The following MGMT variants were observed in gnomAD, a reference collection of about 807,000 sequenced individuals.
MGMT encodes the protein O-6-methylguanine-DNA methyltransferase.
MGMT carries 14 observed loss-of-function variants against 15.9 expected under a neutral mutation model. The ratio of observed to expected loss-of-function variants is 0.88; its 90% CI spans 0.58 to 1.37. The LOEUF is 1.37. Among genes scored for constraint, MGMT ranks in the 40% most tolerant of loss-of-function variants. The pLI, the probability that MGMT is intolerant of heterozygous loss-of-function variation, is 0.00. For missense variants in MGMT, 282 were observed against 268.1 expected (o/e 1.05, Z -0.36); for synonymous variants, 130 against 118.2 (o/e 1.10, Z -0.65).
chr10:129,592,797 A>T (rs1319295076), intron 2 of MGMT, among the ~76,000 whole-genome samples: 1 of 144,492 alleles, frequency 6.9e-6, no homozygotes, highest in Non-Finnish European at 1.6e-5. Flanking sequence ...AACTTTAATT[A>T]ATCCTTTTTT....
At chr10:129,479,210 A>G (rs1178646359) in intron 1 of MGMT, among the ~76,000 whole-genome samples, 1 of 152,030 alleles carries the variant, frequency 6.6e-6, no homozygotes, top group Non-Finnish European at 1.5e-5. Flanking sequence ...ATCTCCTGCC[A>G]CTAATAGTTA....
In MGMT at chr10:129,467,275, G is replaced by A. The variant is rs951812151; in HGVS notation, c.-34G>A. ...CGTCCCGACGCCCGCAGGTCCTCGC[G>A]GTGCGCACCGTTTGCGACTTGGTGA... On this transcript the variant is annotated 5_prime_UTR_variant, in exon 1 of 5. Transcript: ENST00000651593. The A allele has an allele frequency of 2.5e-5, 39 of 1,542,870 alleles. No homozygotes were observed. The highest frequency in any genetic ancestry group is 3.1e-5 in the Non-Finnish European group (36 of 1,144,736).
At chr10:129,698,865 C>G (rs1358564034) in intron 2 of MGMT, among the ~76,000 whole-genome samples, 5 of 152,214 alleles carry the variant, frequency 3.3e-5, no homozygotes. Context: ...AATGTACATA[C>G]AGCAAACTTT....
At chr10:129,576,932 A>T (rs1846490584) in intron 2 of MGMT, among the ~76,000 whole-genome samples, 1 of 152,248 alleles carries the variant, frequency 6.6e-6, no homozygotes, top group Admixed American at 6.5e-5. Context: ...ACTCCCATTC[A>T]CAGTTGCTTC....
At chr10:129,526,982 A>T (rs555708478) in intron 1 of MGMT, among the ~76,000 whole-genome samples, 51 of 152,288 alleles carry the variant, frequency 3.3e-4, no homozygotes, top group African/African-American at 1.2e-3. Context: ...TGAAAAATAA[A>T]TTTTTTTCTG....
intron 3 of MGMT, among the ~76,000 whole-genome samples, chr10:129,755,146 A>G (rs1848790630): frequency 6.6e-6 from 1 of 152,234 alleles, no homozygotes; most frequent in African/African-American, 2.4e-5. Flanking sequence ...CAGGTTTTAT[A>G]AAGACATTCA....
rs1484994773 is a variant in MGMT at position 129,471,766 on chromosome 10, AG to A, written c.-13+4473del. 3.3e-5 allele frequency among the ~76,000 whole-genome samples: 5 copies of A among 152,230 alleles called. No homozygotes were observed. In the East Asian group the frequency reaches 9.7e-4, roughly 30 times the overall value. Reference sequence around the variant, plus strand: ...CAGACCCTAATGCTTGAGCACCTCTAGGGAAGGCCTTAGGATCCTCTGGGAA... The same window carrying A: ...CAGACCCTAATGCTTGAGCACCTCTAGGAAGGCCTTAGGATCCTCTGGGAA... On this transcript the variant is annotated intron_variant, in intron 1 of 4. Coordinates refer to ENST00000651593, the MANE Select transcript of MGMT (RefSeq NM_002412.5).
chr10:129,571,921 C>T (rs979048750), intron 2 of MGMT, among the ~76,000 whole-genome samples: 1 of 152,182 alleles, frequency 6.6e-6, no homozygotes, highest in Non-Finnish European at 1.5e-5. Context: ...CGACAGCGGG[C>T]TCCCTGTTTT....
chr10:129,615,925 A>G (rs1345827611), intron 2 of MGMT, among the ~76,000 whole-genome samples: 2 of 152,136 alleles, frequency 1.3e-5, no homozygotes, highest in Admixed American at 6.5e-5. Flanking sequence ...TCCTTCCCCA[A>G]GCTGGGGAGC....
rs1472497607 is a variant in MGMT, at chr10:129,759,304, C to G, written c.377C>G (p.Ala126Gly). Reference protein sequence around the residue: ...QLAALAGNPKAARAVGGAMRG... With the variant: ...QLAALAGNPKGARAVGGAMRG... ...GCAGCCCTGGCAGGCAACCCCAAAG[C>G]CGCGCGAGCAGTGGGAGGAGCAATG... The change falls in exon 4 of 5, where the codon GCC (alanine) becomes GGC (glycine). Residue 126 changes from alanine (A) to glycine (G), a missense_variant. Physicochemically the swap from Ala to Gly is moderately conservative, Grantham distance 60 (BLOSUM62 0). Transcript: ENST00000651593. The G allele has an allele frequency of 1.2e-6, 2 of 1,614,170 alleles. No homozygotes were observed. The highest frequency in any genetic ancestry group is 4.5e-5 in the East Asian group (2 of 44,886).
At chr10:129,486,178 T>G (rs1349726915) in intron 1 of MGMT, among the ~76,000 whole-genome samples, 2 of 4,218 alleles carry the variant, frequency 4.7e-4, no homozygotes, top group African/African-American at 2.1e-3. Context: ...TTCTCTTCTC[T>G]TTTTTTTTTT....
At chr10:129,667,858 A>G (rs1410437347) in intron 2 of MGMT, among the ~76,000 whole-genome samples, 3 of 152,140 alleles carry the variant, frequency 2.0e-5, no homozygotes, top group Non-Finnish European at 4.4e-5. Context: ...AATGTGGTTG[A>G]ATATGTTTTT....
In MGMT at chr10:129,552,445, G is replaced by T. The variant is rs982041310; in HGVS notation, c.125+16068G>T. On this transcript the variant is annotated intron_variant, in intron 2 of 4. Transcript: ENST00000651593. ...AGTGACAGTGGAAATTGCCACAGAC[G>T]TGGGTTTGTGGCCTTCAAAGCCTTC... 2.6e-5 allele frequency among the ~76,000 whole-genome samples: 4 copies of T among 152,368 alleles called. No individual in the cohort carries two copies. In the South Asian group the frequency reaches 6.2e-4, roughly 24 times the overall value.
At chr10:129,712,451 G>C (rs964493024) in intron 3 of MGMT, among the ~76,000 whole-genome samples, 1 of 152,200 alleles carries the variant, frequency 6.6e-6, no homozygotes, top group African/African-American at 2.4e-5. Context: ...TTTAACACCT[G>C]CTGGTAGAAG....
intron 2 of MGMT, among the ~76,000 whole-genome samples, chr10:129,636,490 A>G (rs1847266560): frequency 6.6e-6 from 1 of 152,194 alleles, no homozygotes; most frequent in African/African-American, 2.4e-5. Flanking sequence ...GAAGGCCTTA[A>G]TGCTGATAGT....
intron 2 of MGMT, among the ~76,000 whole-genome samples, chr10:129,682,105 A>C (rs1349533778): frequency 6.6e-6 from 1 of 152,138 alleles, no homozygotes; most frequent in African/African-American, 2.4e-5. Context: ...AAAGTTAAGC[A>C]TCTGTTTCCA....
chr10:129,652,833 C>T (rs775736529), intron 2 of MGMT, among the ~76,000 whole-genome samples: 6 of 152,228 alleles, frequency 3.9e-5, no homozygotes, highest in African/African-American at 7.2e-5. Context: ...CAAGCGTGCC[C>T]GTGCACCCAT....
chr10:129,502,938 C>T (rs904340822), intron 1 of MGMT, among the ~76,000 whole-genome samples: 8 of 152,100 alleles, frequency 5.3e-5, no homozygotes, highest in Admixed American at 3.3e-4. Context: ...TTTCTTTTTA[C>T]GGCTCTACCC....
chr10:129,697,604 C>T (rs1184112842), intron 2 of MGMT, among the ~76,000 whole-genome samples: 1 of 152,222 alleles, frequency 6.6e-6, no homozygotes, highest in Non-Finnish European at 1.5e-5. Flanking sequence ...CAGTAAATAG[C>T]AGCTGTGCAG....
Sources: gnomAD v4.1 joint callset for allele counts (sites outside exome capture counted in the v4.1 genomes callset) on GRCh38, gnomAD v4.1.1 for gene constraint, MANE v1.5 for transcripts, NCBI Gene and HGNC (gene_info 2026-07-23, HGNC 2026-07-21) for gene names.